KIF26B: variants seen among roughly 807,000 people sequenced by gnomAD.
KIF26B encodes kinesin family member 26B.
In KIF26B, 63 loss-of-function variants were observed where a neutral mutation model predicts 151.2. The observed-to-expected ratio is 0.42, with a 90% CI of 0.34 to 0.51. The LOEUF (loss-of-function observed/expected upper bound fraction) is 0.51. Among genes scored for constraint, KIF26B ranks in the 20% least tolerant of loss-of-function variants. KIF26B has a pLI of 0.07. For synonymous variants in KIF26B, 1,357 were observed against 1,262.1 expected (o/e 1.08, Z -1.59); for missense variants, 2,813 against 2,913.6 (o/e 0.97, Z 0.79).
chr1:245,300,281 TATAA>T (rs1411942591), intron 2 of KIF26B, among the ~76,000 whole-genome samples: 1 of 152,200 alleles, frequency 6.6e-6, no homozygotes, highest in Non-Finnish European at 1.5e-5. Context: ...TGTGTGTTTA[TATAA>T]ATAGACAGCC....
chr1:245,590,260 G>A (rs1448790363), intron 5 of KIF26B, among the ~76,000 whole-genome samples: 2 of 150,884 alleles, frequency 1.3e-5, no homozygotes, highest in African/African-American at 4.9e-5. Flanking sequence ...GCATGCGCAG[G>A]GTCCCGGGGT....
rs537708017 is a variant in KIF26B, at chr1:245,601,931, G to A, written c.1351-646G>A. ...CGCAGAAAGTGGGCTAAAGGGCAGCGCCTCCTGCTCCCTCCAGAGATGCAC... is the reference window on the plus strand; with the variant it reads ...CGCAGAAAGTGGGCTAAAGGGCAGCACCTCCTGCTCCCTCCAGAGATGCAC... On this transcript the variant is annotated intron_variant, in intron 5 of 14. Coordinates refer to ENST00000407071, the MANE Select transcript of KIF26B (RefSeq NM_018012.4). This position sits in a 1 kb window ranked among gnomAD's most constrained non-coding sequence, Gnocchi z 4.4. Among the ~76,000 whole-genome samples, 67 of 152,294 alleles carry A rather than the reference G, an allele frequency of 4.4e-4. 1 individual carries two copies. Among genetic ancestry groups the A allele is most frequent in the African/African-American group, 7.7e-4 (32 of 41,546 alleles).
At chr1:245,607,559 G>A (rs138196613) in intron 6 of KIF26B, 92 bp from the exon 7 acceptor site, 10 of 1,003,846 alleles carry the variant, frequency 1.0e-5, no homozygotes, top group South Asian at 3.3e-5. Flanking sequence ...ACTGGGACCC[G>A]AAGCCCCAGG....
chr1:245,234,023 A>G (rs1046317698), intron 2 of KIF26B, among the ~76,000 whole-genome samples: 6 of 151,976 alleles, frequency 3.9e-5, no homozygotes, highest in African/African-American at 1.5e-4. Context: ...GTCTCTACTA[A>G]AAATACAAAA....
At chr1:245,298,450 C>G (rs1671374097) in intron 2 of KIF26B, among the ~76,000 whole-genome samples, 2 of 152,078 alleles carry the variant, frequency 1.3e-5, no homozygotes, top group Non-Finnish European at 2.9e-5. Flanking sequence ...ATGTGACAGG[C>G]AAAATCATAG....
rs1093935 is a variant in KIF26B, at chr1:245,460,148, A to G, written c.1166+40403A>G. On this transcript the variant is annotated intron_variant, in intron 4 of 14. Coordinates refer to ENST00000407071, the MANE Select transcript of KIF26B (RefSeq NM_018012.4). ...TGCCTGGCTAATTTTTGTATTTTTA[A>G]TAGAGACAGGGTTTCACCATGTTGG... Among the ~76,000 whole-genome samples, 809 of 152,084 alleles carry G rather than the reference A, an allele frequency of 5.3e-3. 9 individuals carry two copies. Among genetic ancestry groups the G allele is most frequent in the African/African-American group, 0.019 (782 of 41,504 alleles).
chr1:245,412,701 A>G (rs1243093904), intron 3 of KIF26B, among the ~76,000 whole-genome samples: 1 of 152,212 alleles, frequency 6.6e-6, no homozygotes, highest in Non-Finnish European at 1.5e-5. Flanking sequence ...TTCTTTGGGA[A>G]TGAGTACCAA....
chr1:245,171,522 C>T (rs545097276), intron 2 of KIF26B, among the ~76,000 whole-genome samples: 41 of 152,016 alleles, frequency 2.7e-4, no homozygotes, highest in African/African-American at 8.7e-4. Context: ...CCAGCCTAGG[C>T]GACAGAGTGA....
intron 2 of KIF26B, among the ~76,000 whole-genome samples, chr1:245,313,787 G>A (rs1338538893): frequency 6.6e-6 from 1 of 152,128 alleles, no homozygotes; most frequent in African/African-American, 2.4e-5. Context: ...GCTTCTTGTG[G>A]TGCACATACC....
intron 2 of KIF26B, among the ~76,000 whole-genome samples, chr1:245,236,016 A>G (rs1670103064): frequency 6.7e-6 from 1 of 148,342 alleles, no homozygotes; most frequent in Non-Finnish European, 1.5e-5. Context: ...TGCAACCTCC[A>G]CCTCCTGGGG....
intron 3 of KIF26B, among the ~76,000 whole-genome samples, chr1:245,413,709 T>A (rs955813802): frequency 1.3e-5 from 2 of 152,140 alleles, no homozygotes; most frequent in African/African-American, 4.8e-5. Context: ...GATTCAGAAT[T>A]ATGCAGTGAG....
At chr1:245,305,013 G>C (rs1671510045) in intron 2 of KIF26B, among the ~76,000 whole-genome samples, 1 of 152,122 alleles carries the variant, frequency 6.6e-6, no homozygotes, top group Non-Finnish European at 1.5e-5. Context: ...TGGGTATAGT[G>C]GAGGAAAAAG....
At chr1:245,562,718 T>A (rs1308821906) in intron 5 of KIF26B, among the ~76,000 whole-genome samples, 12 of 152,086 alleles carry the variant, frequency 7.9e-5, no homozygotes, top group South Asian at 2.1e-4. Context: ...GCCCTTTTTT[T>A]ATTAGAGTCA....
At position 245,705,123 on chromosome 1, in the gene KIF26B, T is replaced by C. The variant is rs556454276; in HGVS notation, c.*2517T>C. The C allele has an allele frequency of 6.6e-6, 1 of 152,308 alleles. No individual in the cohort carries two copies. Among genetic ancestry groups the C allele is most frequent in the South Asian group, 2.1e-4 (1 of 4,822 alleles). The allele number at this position is 152,308 out of a possible 1,614,324, so 9.4% of individuals were successfully genotyped here. A position where few individuals can be genotyped will look rare whatever the true frequency, so the allele number is the denominator to read the frequency against. The stretch of plus-strand genomic sequence containing the variant: ...CTTTTATCCATTTGTAGCAACTTTA[T>C]GCTGTAACAAAAGGCGGAAGGAAAC... On this transcript the variant is annotated 3_prime_UTR_variant, in exon 15 of 15. Transcript: ENST00000407071.
chr1:245,450,159 A>C (rs1341051776), intron 4 of KIF26B, among the ~76,000 whole-genome samples: 1 of 152,074 alleles, frequency 6.6e-6, no homozygotes, highest in Admixed American at 6.5e-5. Flanking sequence ...GCAGCAACCA[A>C]CTGTTGCCTG....
At chr1:245,416,503 C>T (rs1256899103) in intron 3 of KIF26B, among the ~76,000 whole-genome samples, 1 of 152,284 alleles carries the variant, frequency 6.6e-6, no homozygotes, top group South Asian at 2.1e-4. Flanking sequence ...AGCCTTAGAC[C>T]TAGAGACCTG....
chr1:245,662,295 C>A, intron 10 of KIF26B, among the ~76,000 whole-genome samples: 1 of 148,246 alleles, frequency 6.7e-6, no homozygotes, highest in Non-Finnish European at 1.5e-5. Context: ...TATATATACT[C>A]ACACACACCC....
Position 245,698,104 on chromosome 1 carries a change from A to T in KIF26B, c.5825-2A>T. ...ACTCTCTGGGCTTATCCCCCTCCTC[A>T]GGTTCTCAGAGACGGAGGCTTATCC... On this transcript the variant is annotated splice_acceptor_variant, in intron 12 of 14. Coordinates refer to ENST00000407071, the MANE Select transcript of KIF26B (RefSeq NM_018012.4). LOFTEE classifies it high-confidence loss of function. The surrounding 1 kb of genome is among the most constrained non-coding windows in gnomAD (Gnocchi z 4.0). The T allele has an allele frequency of 6.2e-7, 1 of 1,612,200 alleles. No individual in the cohort carries two copies. The highest frequency in any genetic ancestry group is 1.1e-5 in the South Asian group (1 of 90,830).
rs562349740 is a variant in KIF26B at position 245,602,927 on chromosome 1, G to A, written c.1557+144G>A. 2.5e-4 allele frequency: 182 copies of A among 732,890 alleles called. 1 individual carries two copies. In the South Asian group the frequency reaches 2.6e-3, roughly 11 times the overall value. 45.4% of individuals were successfully genotyped at this position (732,890 alleles called of 1,614,324 possible). On this transcript the variant is annotated intron_variant, in intron 6 of 14. Transcript: ENST00000407071. The surrounding 1 kb of genome is among the most constrained non-coding windows in gnomAD (Gnocchi z 4.5). ...TTCAGGAGTCAATCTGAGCTCCACCGAATGGTCCAGTGCTTTTGAATTACT... is the reference window on the plus strand; with the variant it reads ...TTCAGGAGTCAATCTGAGCTCCACCAAATGGTCCAGTGCTTTTGAATTACT...
Sources: allele counts gnomAD v4.1 joint callset (sites outside exome capture counted in the v4.1 genomes callset), GRCh38; gene constraint gnomAD v4.1.1; non-coding constraint Gnocchi (gnomAD v3.1); transcripts MANE v1.5; gene names NCBI Gene and HGNC (gene_info 2026-07-23, HGNC 2026-07-21).